MGA: variants seen among roughly 807,000 people sequenced by gnomAD.
MGA encodes the protein MAX gene-associated protein.
MGA carries 40 observed loss-of-function variants against 261.1 expected under a neutral mutation model. That is an observed-to-expected ratio of 0.15 (90% CI 0.12 to 0.20). The LOEUF is 0.20. MGA is among the 10% of genes least tolerant of loss of function. MGA has a pLI of 1.00. For synonymous variants in MGA, 1,302 were observed against 1,290.6 expected, an observed-to-expected ratio of 1.01 and a Z score of -0.19; for missense variants, 3,397 against 3,630.5, an observed-to-expected ratio of 0.94 and a Z score of 1.65.
intron 1 of MGA, among the ~76,000 whole-genome samples, chr15:41,628,564 GCAAAGACTTTGTGT>G (rs2056514577): frequency 6.6e-6 from 1 of 151,996 alleles, no homozygotes; most frequent in African/African-American, 2.4e-5. Context: ...GAATAGTAAT[GCAAAGACTTTGTGT>G]CAAAAATCAG....
intron 23 of MGA, 88 bp downstream of exon 23, chr15:41,765,150 G>A: frequency 3.5e-6 from 5 of 1,427,728 alleles, no homozygotes; most frequent in Non-Finnish European, 3.9e-6. Context: ...GATGTGTTCT[G>A]TAATGATAAA....
At position 41,767,096 on chromosome 15, in the gene MGA, G is replaced by T; in HGVS notation, c.9014G>T (p.Gly3005Val). Residue 3005 changes from glycine to valine, a missense_variant, in exon 24 of 24, where the codon GGT (glycine) becomes GTT (valine). By Grantham distance (109) the Gly-to-Val change is moderately radical. Coordinates refer to ENST00000219905, the MANE Select transcript of MGA (RefSeq NM_001164273.2). ...GCTAATCCTTCCAGTGATGCAGATGGTCAGAGTCTCAAGGTGATGCCTTGT... is the reference window on the plus strand; with the variant it reads ...GCTAATCCTTCCAGTGATGCAGATGTTCAGAGTCTCAAGGTGATGCCTTGT... 6.2e-7 allele frequency: 1 copy of T among 1,614,010 alleles called. No individual in the cohort carries two copies. The highest frequency in any genetic ancestry group is 8.5e-7 in the Non-Finnish European group (1 of 1,179,900).
chr15:41,654,201 G>A (rs1171582192), intron 1 of MGA, among the ~76,000 whole-genome samples: 1 of 152,026 alleles, frequency 6.6e-6, no homozygotes, highest in African/African-American at 2.4e-5. Flanking sequence ...AGCTATCTAG[G>A]GAGGCTGCTG....
At chr15:41,672,530 G>C (rs2058116557) in intron 2 of MGA, among the ~76,000 whole-genome samples, 1 of 152,204 alleles carries the variant, frequency 6.6e-6, no homozygotes, top group African/African-American at 2.4e-5. Context: ...TGGATCAAGA[G>C]AGTGGTTCAG....
chr15:41,663,544 G>GA (rs939640733), intron 1 of MGA, among the ~76,000 whole-genome samples: 3 of 151,944 alleles, frequency 2.0e-5, no homozygotes, highest in Non-Finnish European at 2.9e-5. Flanking sequence ...TCCAAGGCTA[G>GA]AATGCAGTGG....
At chr15:41,691,481 A>C (rs150623262) in intron 2 of MGA, 182 of 287,044 alleles carry the variant, frequency 6.3e-4, no homozygotes, top group African/African-American at 3.6e-3. Context: ...CTGTGAATAG[A>C]GATAGTTTTG....
At chr15:41,623,466 C>T (rs1566917690) in intron 1 of MGA, among the ~76,000 whole-genome samples, 3 of 152,048 alleles carry the variant, frequency 2.0e-5, no homozygotes, top group South Asian at 2.1e-4. Context: ...ATAAAATTGC[C>T]GGGTGTGGTG....
chr15:41,729,084 A>T, intron 10 of MGA, 80 bp from the exon 11 acceptor site: 2 of 1,392,662 alleles, frequency 1.4e-6, no homozygotes, highest in African/African-American at 1.5e-5. Flanking sequence ...ATACAAAAAA[A>T]GATTAAACAT....
chr15:41,623,728 C>CA (rs1179458347), intron 1 of MGA, among the ~76,000 whole-genome samples: 105 of 103,496 alleles, frequency 1.0e-3, no homozygotes, highest in East Asian at 7.8e-3. Flanking sequence ...ACTCCGTCTC[C>CA]AAAAAAAAAA....
chr15:41,762,096 C>G (rs746001086), intron 21 of MGA, 33 bp from the exon 22 acceptor site: 13 of 1,516,918 alleles, frequency 8.6e-6, no homozygotes, highest in Non-Finnish European at 1.2e-5. Flanking sequence ...TGGCGTAATG[C>G]TGAAAGTGCT....
At chr15:41,632,034 A>G (rs2150554633) in intron 1 of MGA, among the ~76,000 whole-genome samples, 1 of 152,290 alleles carries the variant, frequency 6.6e-6, no homozygotes, top group East Asian at 1.9e-4. Flanking sequence ...AAGTTGAGAC[A>G]AGTTCAGACT....
chr15:41,635,861 T>G (rs1049139460), intron 1 of MGA, among the ~76,000 whole-genome samples: 1 of 152,202 alleles, frequency 6.6e-6, no homozygotes, highest in Admixed American at 6.5e-5. Context: ...TTTAACGTTG[T>G]GGCACAATGC....
At position 41,718,473 on chromosome 15, in the gene MGA, G is replaced by GA. The variant is rs2060772693; in HGVS notation, c.3430+4978dup. 3 of 754,886 alleles carry GA rather than the reference G, an allele frequency of 4.0e-6. No individual in the cohort carries two copies. In the East Asian group the frequency reaches 7.6e-5, roughly 19 times the overall value. 46.8% of individuals were successfully genotyped at this position (754,886 alleles called of 1,614,324 possible). On this transcript the variant is annotated intron_variant, in intron 9 of 23. Coordinates refer to ENST00000219905, the MANE Select transcript of MGA (RefSeq NM_001164273.2). ...AGCTTTGATTTTTCGTACAATTTGT[G>GA]AGTCCACAGCTTTCTGATCAATCTT...
intron 17 of MGA, 137 bp downstream of exon 17, chr15:41,750,752 C>G (rs1482050337): frequency 4.1e-6 from 3 of 735,516 alleles, no homozygotes; most frequent in Non-Finnish European, 6.5e-6. Flanking sequence ...ACTTAAATGG[C>G]TTAGTAGTTC....
At chr15:41,728,192 G>A (rs944871020) in intron 10 of MGA, among the ~76,000 whole-genome samples, 6 of 152,232 alleles carry the variant, frequency 3.9e-5, no homozygotes, top group Middle Eastern at 3.4e-3. Flanking sequence ...TTAGCCGGGC[G>A]TGGTGGCTCA....
intron 18 of MGA, among the ~76,000 whole-genome samples, chr15:41,755,911 C>T (rs1484670492): frequency 6.6e-6 from 1 of 151,838 alleles, no homozygotes; most frequent in Non-Finnish European, 1.5e-5. Context: ...CCCAGCTACT[C>T]GGGAGGCTAA....
intron 23 of MGA, among the ~76,000 whole-genome samples, chr15:41,765,415 CATT>C (rs2063749160): frequency 1.3e-5 from 2 of 152,180 alleles, no homozygotes; most frequent in Non-Finnish European, 2.9e-5. Flanking sequence ...AACAGTCCTG[CATT>C]ATTAGCCCCA....
chr15:41,762,380 C>A lies in MGA; in HGVS notation c.7744+18C>A. The stretch of plus-strand genomic sequence containing the variant: ...GGCCACAGGTAGGAGGGACATTCTT[C>A]GCTTTCCTTAATGTAGATATACATC... On this transcript the variant is annotated intron_variant, in intron 22 of 23. Transcript: ENST00000219905. The A allele has an allele frequency of 6.3e-7, 1 of 1,592,092 alleles. No homozygotes were observed. Among genetic ancestry groups the A allele is most frequent in the South Asian group, 1.1e-5 (1 of 90,176 alleles).
chr15:41,709,250 G>C (rs1162307720), intron 7 of MGA, among the ~76,000 whole-genome samples: 1 of 152,000 alleles, frequency 6.6e-6, no homozygotes, highest in Non-Finnish European at 1.5e-5. Context: ...GCGGGGCTGA[G>C]GTGGGAGGAT....
Sources: allele counts gnomAD v4.1 joint callset (sites outside exome capture counted in the v4.1 genomes callset), GRCh38; gene constraint gnomAD v4.1.1; transcripts MANE v1.5; gene names NCBI Gene and HGNC (gene_info 2026-07-23, HGNC 2026-07-21).